Variants in STARD13 observed in about 807,000 individuals in gnomAD.
The protein encoded by STARD13 is stAR-related lipid transfer protein 13.
Under a neutral mutation model 106.4 loss-of-function variants are expected in STARD13, and 62 were observed. That is an observed-to-expected ratio of 0.58 (90% CI 0.48 to 0.72). STARD13 has a LOEUF of 0.72. Among genes scored for constraint, STARD13 ranks in the 30% least tolerant of loss-of-function variants. STARD13 has a pLI of 0.00. For missense variants in STARD13, 1,387 were observed against 1,424.0 expected, an observed-to-expected ratio of 0.97 and a Z score of 0.42; for synonymous variants, 565 against 553.0, an observed-to-expected ratio of 1.02 and a Z score of -0.31.
At chr13:33,436,361 A>G in the STARD13 span, among the ~76,000 whole-genome samples, 3 of 152,250 alleles carry the variant, frequency 2.0e-5, no homozygotes, top group Admixed American at 2.0e-4. Context: ...TGAAGAACAC[A>G]GTAATTTGGC....
At chr13:33,504,998 C>T in the STARD13 span, among the ~76,000 whole-genome samples, 1 of 152,170 alleles carries the variant, frequency 6.6e-6, no homozygotes, top group Non-Finnish European at 1.5e-5. Flanking sequence ...TTCCCAAGTA[C>T]AACTCATAGC....
chr13:33,350,513 TC>T, exon 1 of STARD13: 2 of 1,451,604 alleles, frequency 1.4e-6, no homozygotes, highest in Non-Finnish European at 1.8e-6. Context: ...GACGCGGCAC[TC>T]CCGCCGGGGT....
At chr13:33,205,810 C>T (rs1566073244) in intron 1 of STARD13, 3 of 980,228 alleles carry the variant, frequency 3.1e-6, no homozygotes, top group Non-Finnish European at 3.6e-6. Flanking sequence ...CTATGGAACA[C>T]AAACTTACTT....
At position 33,129,959 on chromosome 13, in the gene STARD13, G is replaced by T; in HGVS notation, c.718C>A (p.Leu240Ile). 2 of 1,613,452 alleles carry T rather than the reference G, an allele frequency of 1.2e-6. No homozygotes were observed. Among genetic ancestry groups the T allele is most frequent in the Non-Finnish European group, 1.7e-6 (2 of 1,179,912 alleles). The change falls in exon 5 of 14, where the codon CTC (leucine) becomes ATC (isoleucine). Residue 240 changes from leucine to isoleucine, a missense_variant. Leu to Ile is a conservative substitution (Grantham distance 5, BLOSUM62 2). Transcript: ENST00000336934. Reference sequence around the variant, plus strand: ...TTCTTGGGGTGGAAGGGGTGGTTGAGGACATCTCTGGGGGGCTGTGGGAGG... The same window carrying T: ...TTCTTGGGGTGGAAGGGGTGGTTGATGACATCTCTGGGGGGCTGTGGGAGG... ...SSLPQPPRDV[L>I]NHPFHPKNEK...
At chr13:33,231,365 G>A (rs1428237523) in intron 1 of STARD13, among the ~76,000 whole-genome samples, 1 of 152,196 alleles carries the variant, frequency 6.6e-6, no homozygotes, top group African/African-American at 2.4e-5. Context: ...CCTGGCACAT[G>A]GGTGGTGGCT....
chr13:33,595,133 T>C, the STARD13 span, among the ~76,000 whole-genome samples: 1 of 152,242 alleles, frequency 6.6e-6, no homozygotes. Context: ...CATTTTACCA[T>C]TTCCACTTCT....
intron 1 of STARD13, among the ~76,000 whole-genome samples, chr13:33,304,635 CA>C (rs1892839233): frequency 6.6e-6 from 1 of 151,614 alleles, no homozygotes; most frequent in Non-Finnish European, 1.5e-5. Flanking sequence ...CCCTGATAGC[CA>C]CACCTTCTGA....
At chr13:33,323,480 G>A (rs1893631745) in intron 1 of STARD13, among the ~76,000 whole-genome samples, 1 of 152,160 alleles carries the variant, frequency 6.6e-6, no homozygotes, top group African/African-American at 2.4e-5. Flanking sequence ...TCACATAAGT[G>A]TGATCTACCC....
At chr13:33,380,486 C>A in the STARD13 span, among the ~76,000 whole-genome samples, 18 of 134,996 alleles carry the variant, frequency 1.3e-4, no homozygotes, top group African/African-American at 5.0e-4. Flanking sequence ...CCACCCCCCC[C>A]ACACACAAAT....
chr13:33,666,468 T>C, the STARD13 span, among the ~76,000 whole-genome samples: 1 of 151,948 alleles, frequency 6.6e-6, no homozygotes, highest in Non-Finnish European at 1.5e-5. Flanking sequence ...TAATTTTTTT[T>C]GTATTTTTAG....
the STARD13 span, among the ~76,000 whole-genome samples, chr13:33,519,696 G>A: frequency 6.6e-6 from 1 of 152,060 alleles, no homozygotes; most frequent in African/African-American, 2.4e-5. Flanking sequence ...AGAAAGCATC[G>A]TTGATGGTTA....
chr13:33,584,915 G>C, the STARD13 span, among the ~76,000 whole-genome samples: 8 of 152,150 alleles, frequency 5.3e-5, no homozygotes, highest in East Asian at 1.5e-3. Context: ...CACCTCCTTT[G>C]CCTTCCACCA....
At chr13:33,643,159 G>GCA in the STARD13 span, among the ~76,000 whole-genome samples, 19,141 of 139,536 alleles carry the variant, frequency 0.14, 1,246 homozygotes, top group Admixed American at 0.16. Context: ...CATAGAACAT[G>GCA]CACACACACA....
intron 2 of STARD13, 120 bp from the exon 3 acceptor site, chr13:33,165,538 ATT>A: frequency 1.4e-6 from 1 of 737,400 alleles, no homozygotes; most frequent in Non-Finnish European, 2.3e-6. Context: ...GCCCATCATC[ATT>A]GTTGGGAATG....
At chr13:33,478,013 T>C in the STARD13 span, among the ~76,000 whole-genome samples, 2 of 152,140 alleles carry the variant, frequency 1.3e-5, no homozygotes, top group African/African-American at 2.4e-5. Flanking sequence ...CTTCCTTACC[T>C]CTCTCCAATT....
At chr13:33,409,647 C>G in the STARD13 span, among the ~76,000 whole-genome samples, 1 of 152,170 alleles carries the variant, frequency 6.6e-6, no homozygotes, top group Non-Finnish European at 1.5e-5. Context: ...GAGAAAATCC[C>G]TGGCATGTGA....
chr13:33,216,245 C>T (rs1453375782), intron 1 of STARD13, among the ~76,000 whole-genome samples: 5 of 152,018 alleles, frequency 3.3e-5, no homozygotes, highest in African/African-American at 1.2e-4. Flanking sequence ...AGTCATTATA[C>T]GAAAAAGATA....
At chr13:33,234,593 G>A (rs973772322) in intron 1 of STARD13, among the ~76,000 whole-genome samples, 1 of 152,184 alleles carries the variant, frequency 6.6e-6, no homozygotes, top group Non-Finnish European at 1.5e-5. Context: ...GTTATGAAAT[G>A]TTAGTCTAGT....
At chr13:33,214,707 C>T (rs866844187) in intron 1 of STARD13, among the ~76,000 whole-genome samples, 1 of 137,770 alleles carries the variant, frequency 7.3e-6, no homozygotes, top group African/African-American at 3.0e-5. Flanking sequence ...CATACACACA[C>T]ACACACACAC....
Sources: gnomAD v4.1 joint callset for allele counts (sites outside exome capture counted in the v4.1 genomes callset) on GRCh38, gnomAD v4.1.1 for gene constraint, MANE v1.5 for transcripts, NCBI Gene and HGNC (gene_info 2026-07-23, HGNC 2026-07-21) for gene names.